The following KIAA0319 variants were observed in gnomAD, a reference collection of about 807,000 sequenced individuals.
KIAA0319 encodes KIAA0319, also known as dyslexia-associated protein KIAA0319.
In KIAA0319, 83 loss-of-function variants were observed where a neutral mutation model predicts 108.4. The observed-to-expected ratio is 0.77, with a 90% CI of 0.64 to 0.92. The LOEUF (loss-of-function observed/expected upper bound fraction) is 0.92, where lower values mean the gene tolerates loss of function less well. Ranked by LOEUF, KIAA0319 falls within the 40% of genes least tolerant of loss-of-function variation. The pLI is 0.00. For missense variants in KIAA0319, 1,195 were observed against 1,322.4 expected (o/e 0.90, Z 1.49); for synonymous variants, 484 against 510.4 (o/e 0.95, Z 0.70).
intron 1 of KIAA0319, among the ~76,000 whole-genome samples, chr6:24,641,723 C>G (rs1199415203): frequency 6.6e-6 from 1 of 152,012 alleles, no homozygotes; most frequent in Non-Finnish European, 1.5e-5. Context: ...ATGGTAAAAA[C>G]AGTTTTCTTG....
chr6:24,605,305 C>G (rs1019471122), intron 1 of KIAA0319, among the ~76,000 whole-genome samples: 1 of 152,156 alleles, frequency 6.6e-6, no homozygotes, highest in African/African-American at 2.4e-5. Context: ...TCTTTATACT[C>G]AAGACCTCAA....
intron 13 of KIAA0319, among the ~76,000 whole-genome samples, chr6:24,568,395 T>G (rs991899237): frequency 6.6e-6 from 1 of 152,192 alleles, no homozygotes; most frequent in Non-Finnish European, 1.5e-5. Context: ...TAAAGCAGTA[T>G]TCACTAGTCT....
At position 24,599,040 on chromosome 6, in the gene KIAA0319, G is replaced by A; in HGVS notation, c.55+2009C>T. The stretch of plus-strand genomic sequence containing the variant: ...CAACTTCCTCAGGCAGCTGTATGAA[G>A]AGGAGATCCAGGAGCTGCAGTCCCA... On this transcript the variant is annotated intron_variant, in intron 2 of 20. Transcript: ENST00000378214. The surrounding 1 kb of genome is among the most constrained non-coding windows in gnomAD (Gnocchi z 4.1). 2.7e-6 allele frequency: 2 copies of A among 739,870 alleles called. No homozygotes were observed. The highest frequency in any genetic ancestry group is 4.8e-6 in the Non-Finnish European group (2 of 413,996). 45.8% of individuals were successfully genotyped at this position (739,870 alleles called of 1,614,324 possible). A position where few individuals can be genotyped will look rare whatever the true frequency, so the allele number is the denominator to read the frequency against.
At chr6:24,614,476 G>A (rs964122345) in intron 1 of KIAA0319, among the ~76,000 whole-genome samples, 3 of 151,972 alleles carry the variant, frequency 2.0e-5, no homozygotes, top group Admixed American at 6.5e-5. Flanking sequence ...TATAAAAATT[G>A]TAATTCACAT....
At chr6:24,542,034 G>A (rs1243115314), downstream of KIAA0319, among the ~76,000 whole-genome samples, 2 of 152,216 alleles carry the variant, frequency 1.3e-5, no homozygotes, top group Non-Finnish European at 2.9e-5. Context: ...CAGCTACTCA[G>A]GAGGCTGAGG....
rs749067938 is a variant in KIAA0319 at position 24,595,755 on chromosome 6, C to T, written c.801+118G>A. On this transcript the variant is annotated intron_variant, in intron 3 of 20. Coordinates refer to ENST00000378214, the MANE Select transcript of KIAA0319 (RefSeq NM_014809.4). ...ACCACCTGAGACAGGTGCCCTTAGGCGGAACCTCCTTAAGCTCATACAGCC... is the reference window on the plus strand; with the variant it reads ...ACCACCTGAGACAGGTGCCCTTAGGTGGAACCTCCTTAAGCTCATACAGCC... 58 of 1,132,050 alleles carry T rather than the reference C, an allele frequency of 5.1e-5. 1 individual carries two copies. In the Admixed American group the frequency reaches 9.8e-4, roughly 19 times the overall value. The allele number at this position is 1,132,050 out of a possible 1,614,324, so 70.1% of individuals were successfully genotyped here. A position where few individuals can be genotyped will look rare whatever the true frequency, so the allele number is the denominator to read the frequency against.
intron 16 of KIAA0319, 135 bp from the exon 17 acceptor site, chr6:24,559,290 G>A (rs1197342951): frequency 9.5e-6 from 8 of 843,968 alleles, no homozygotes; most frequent in East Asian, 2.6e-5. Context: ...GGACAGGGGC[G>A]TATCTGTGAG....
At chr6:24,568,955 T>C in intron 12 of KIAA0319, 26 bp from the exon 13 acceptor site, 1 of 1,609,612 alleles carries the variant, frequency 6.2e-7, no homozygotes, top group Non-Finnish European at 8.5e-7. Context: ...GTGGTTAACA[T>C]AAGGGAGGGG....
At chr6:24,587,258 C>T (rs1007265921) in intron 4 of KIAA0319, among the ~76,000 whole-genome samples, 3 of 151,672 alleles carry the variant, frequency 2.0e-5, no homozygotes, top group Non-Finnish European at 4.4e-5. Flanking sequence ...CTAGTCAACT[C>T]CACACTATTT....
chr6:24,619,691 G>C (rs1488782284), intron 1 of KIAA0319, among the ~76,000 whole-genome samples: 1 of 152,080 alleles, frequency 6.6e-6, no homozygotes, highest in Non-Finnish European at 1.5e-5. Flanking sequence ...AGTAGAAAGA[G>C]TGAAAATGCA....
chr6:24,559,235 T>C, intron 16 of KIAA0319, 80 bp from the exon 17 acceptor site: 15 of 1,494,744 alleles, frequency 1.0e-5, no homozygotes, highest in Non-Finnish European at 1.3e-5. Context: ...GCATCTGACC[T>C]GTGAAACTGG....
At chr6:24,597,993 C>A in intron 2 of KIAA0319, 1 of 187,088 alleles carries the variant, frequency 5.3e-6, no homozygotes, top group South Asian at 1.1e-4. Context: ...CCACCTGGTT[C>A]AGCCCTCCTG....
At chr6:24,567,887 C>T (rs759711742) in intron 13 of KIAA0319, among the ~76,000 whole-genome samples, 6 of 152,116 alleles carry the variant, frequency 3.9e-5, no homozygotes, top group Non-Finnish European at 5.9e-5. Context: ...GCTCTGGGAC[C>T]CAGCCTGATC....
intron 1 of KIAA0319, among the ~76,000 whole-genome samples, chr6:24,631,891 C>G (rs1051769277): frequency 6.6e-6 from 1 of 152,194 alleles, no homozygotes; most frequent in African/African-American, 2.4e-5. Flanking sequence ...CTCTCCAGGC[C>G]CAGAGGCTGG....
chr6:24,541,846 C>T (rs866925241), downstream of KIAA0319, among the ~76,000 whole-genome samples: 1 of 151,970 alleles, frequency 6.6e-6, no homozygotes, highest in South Asian at 2.1e-4. Flanking sequence ...TTTTTAAATG[C>T]CTTTATTTTC....
At chr6:24,570,379 G>T (rs934154876) in intron 11 of KIAA0319, among the ~76,000 whole-genome samples, 1 of 152,138 alleles carries the variant, frequency 6.6e-6, no homozygotes, top group Non-Finnish European at 1.5e-5. Flanking sequence ...ACGAGGTCAG[G>T]AGATCAAGAC....
At chr6:24,632,680 A>G (rs1172450261) in intron 1 of KIAA0319, among the ~76,000 whole-genome samples, 1 of 152,250 alleles carries the variant, frequency 6.6e-6, no homozygotes, top group Non-Finnish European at 1.5e-5. Flanking sequence ...AGAAAGAGAT[A>G]GAGTGAAGGA....
chr6:24,581,790 T>C (rs1453651053), intron 6 of KIAA0319, among the ~76,000 whole-genome samples: 1 of 152,240 alleles, frequency 6.6e-6, no homozygotes, highest in Non-Finnish European at 1.5e-5. Flanking sequence ...ACCATCTGCC[T>C]GCCTACTTGC....
intron 2 of KIAA0319, 59 bp downstream of exon 2, chr6:24,600,990 T>C (rs1582163576): frequency 6.2e-7 from 1 of 1,609,024 alleles, no homozygotes; most frequent in Non-Finnish European, 8.5e-7. Flanking sequence ...TCTGAGTTGC[T>C]TACACTAGTC....
Sources: allele counts gnomAD v4.1 joint callset (sites outside exome capture counted in the v4.1 genomes callset), GRCh38; gene constraint gnomAD v4.1.1; non-coding constraint Gnocchi (gnomAD v3.1); transcripts MANE v1.5; gene names NCBI Gene and HGNC (gene_info 2026-07-23, HGNC 2026-07-21).